DENND5A: variants seen among roughly 807,000 people sequenced by gnomAD.
DENND5A encodes DENN domain-containing protein 5A.
Under a neutral mutation model 140.3 loss-of-function variants are expected in DENND5A, and 64 were observed. The observed-to-expected ratio is 0.46, with a 90% CI of 0.37 to 0.56. The LOEUF (loss-of-function observed/expected upper bound fraction) is 0.56, where lower values mean the gene tolerates loss of function less well. Ranked by LOEUF, DENND5A falls within the 20% of genes least tolerant of loss-of-function variation. DENND5A has a pLI of 0.00. For missense variants in DENND5A, 1,292 were observed against 1,593.8 expected, an observed-to-expected ratio of 0.81 and a Z score of 3.22; for synonymous variants, 605 against 607.7, an observed-to-expected ratio of 1.00 and a Z score of 0.07.
chr11:9,143,276 C>T (rs1847309524), intron 20 of DENND5A, 127 bp downstream of exon 20: 1 of 852,866 alleles, frequency 1.2e-6, no homozygotes, highest in African/African-American at 1.7e-5. Flanking sequence ...CTGAGGCACA[C>T]ACTCTACAAG....
chr11:9,222,348 T>C (rs149573074), intron 1 of DENND5A, among the ~76,000 whole-genome samples: 7 of 152,274 alleles, frequency 4.6e-5, no homozygotes, highest in African/African-American at 1.4e-4. Context: ...CTAGAAAAAT[T>C]TGACCAAAAA....
intron 1 of DENND5A, among the ~76,000 whole-genome samples, chr11:9,254,158 G>GAAAA (rs10718465): frequency 4.4e-5 from 4 of 91,846 alleles, no homozygotes; most frequent in Non-Finnish European, 6.2e-5. Context: ...CTCTGTCTCA[G>GAAAA]AAAAAAAAAA....
Position 9,181,047 on chromosome 11 carries a change from A to G in DENND5A, c.1175T>C (p.Ile392Thr), listed in dbSNP as rs771353078. 1.7e-5 allele frequency: 28 copies of G among 1,614,062 alleles called. No homozygotes were observed. In the African/African-American group the frequency reaches 2.7e-4, roughly 15 times the overall value. Residue 392 changes from isoleucine to threonine, a missense_variant, in exon 6 of 23, where the codon ATT becomes ACT. Ile to Thr is a moderately conservative substitution (Grantham distance 89). Transcript: ENST00000328194. The stretch of plus-strand genomic sequence containing the variant: ...CTGTGGCAAGTCCTCTGGCAACTCA[A>G]TGAAGTGGTTGTCAATGTCCACAAA... ...LCFVDIDNHF[I>T]ELPEDLPQFP...
Position 9,160,831 on chromosome 11 carries a change from T to G in DENND5A, c.2318A>C (p.Glu773Ala). ...KRMLVEKMGR[E>A]AVELGHGEVN... ...CTCCCCATGCCCTAGCTCCACAGCTTCTCGGCCCATCTTTTCCACCAGCAT... is the reference window on the plus strand; with the variant it reads ...CTCCCCATGCCCTAGCTCCACAGCTGCTCGGCCCATCTTTTCCACCAGCAT... Residue 773 changes from glutamate (E) to alanine (A), a missense_variant, in exon 12 of 23, where the codon GAA (glutamate) becomes GCA (alanine). Coordinates refer to ENST00000328194, the MANE Select transcript of DENND5A (RefSeq NM_015213.4). 1 of 1,614,036 alleles carries G rather than the reference T, an allele frequency of 6.2e-7. No individual in the cohort carries two copies. Among genetic ancestry groups the G allele is most frequent in the Non-Finnish European group, 8.5e-7 (1 of 1,179,904 alleles).
intron 5 of DENND5A, among the ~76,000 whole-genome samples, chr11:9,190,429 C>G (rs896003850): frequency 2.6e-5 from 4 of 152,128 alleles, no homozygotes; most frequent in African/African-American, 9.7e-5. Context: ...CCATGCTGTT[C>G]TCGTGATAGT....
At chr11:9,201,699 A>G (rs1464924912) in intron 4 of DENND5A, among the ~76,000 whole-genome samples, 4 of 152,046 alleles carry the variant, frequency 2.6e-5, no homozygotes, top group Non-Finnish European at 5.9e-5. Context: ...AAAGAAAATC[A>G]CCTTTTTGCT....
intron 8 of DENND5A, among the ~76,000 whole-genome samples, chr11:9,177,694 A>G (rs1193578059): frequency 6.8e-6 from 1 of 147,022 alleles, no homozygotes; most frequent in African/African-American, 2.5e-5. Context: ...GAGCTTCTGT[A>G]ACCATGAGGC....
intron 13 of DENND5A, among the ~76,000 whole-genome samples, chr11:9,151,428 G>C (rs1189437109): frequency 6.6e-6 from 1 of 152,122 alleles, no homozygotes; most frequent in Non-Finnish European, 1.5e-5. Flanking sequence ...TACACATCCA[G>C]AAAGCGGGCC....
At chr11:9,166,052 C>A in intron 10 of DENND5A, 85 bp from the exon 11 acceptor site, 1 of 1,194,258 alleles carries the variant, frequency 8.4e-7, no homozygotes, top group Admixed American at 2.3e-5. Flanking sequence ...CTGAAGAGGG[C>A]ATTATTTTCT....
chr11:9,251,676 G>A (rs190539202), intron 1 of DENND5A, among the ~76,000 whole-genome samples: 1 of 152,254 alleles, frequency 6.6e-6, no homozygotes, highest in African/African-American at 2.4e-5. Flanking sequence ...TTGACTAACT[G>A]CTTCACTTAG....
intron 1 of DENND5A, among the ~76,000 whole-genome samples, chr11:9,249,276 A>T (rs1052703786): frequency 1.3e-5 from 2 of 152,070 alleles, no homozygotes; most frequent in African/African-American, 2.4e-5. Context: ...CTGGAAAGTA[A>T]TTCTAACGTG....
chr11:9,145,214 C>T, intron 17 of DENND5A, 101 bp from the exon 18 acceptor site: 1 of 834,370 alleles, frequency 1.2e-6, no homozygotes, highest in South Asian at 1.5e-5. Flanking sequence ...AACCTGACCC[C>T]TCAGCATCTG....
chr11:9,184,633 T>C (rs1848845985), intron 5 of DENND5A, among the ~76,000 whole-genome samples: 1 of 152,190 alleles, frequency 6.6e-6, no homozygotes, highest in East Asian at 1.9e-4. Flanking sequence ...TTCTTGAAAT[T>C]TGCCAACAAA....
intron 11 of DENND5A, among the ~76,000 whole-genome samples, chr11:9,164,062 T>TTG (rs1848091352): frequency 1.3e-5 from 1 of 77,370 alleles, no homozygotes; most frequent in East Asian, 2.9e-4. Context: ...TCAGGTTTTT[T>TTG]TTTTTTTTTT....
intron 1 of DENND5A, among the ~76,000 whole-genome samples, chr11:9,253,573 C>A (rs996593610): frequency 6.6e-6 from 1 of 151,816 alleles, no homozygotes; most frequent in Non-Finnish European, 1.5e-5. Context: ...CCAGCCTGGG[C>A]AAGATGGTGA....
chr11:9,169,307 C>CGTTGAGG (rs1382833142), intron 10 of DENND5A, among the ~76,000 whole-genome samples: 2 of 151,978 alleles, frequency 1.3e-5, no homozygotes, highest in East Asian at 3.9e-4. Flanking sequence ...ATTATCTGCG[C>CGTTGAGG]GTTGAGGTGG....
At chr11:9,141,073 C>T (rs1284107181) in intron 22 of DENND5A, among the ~76,000 whole-genome samples, 1 of 152,004 alleles carries the variant, frequency 6.6e-6, no homozygotes, top group Admixed American at 6.6e-5. Flanking sequence ...TTGTGGTGAG[C>T]CGAGATCACA....
Position 9,145,602 on chromosome 11 carries a change from G to A in DENND5A, c.3003+68C>T, listed in dbSNP as rs1847401973. On this transcript the variant is annotated intron_variant, in intron 17 of 22. Transcript: ENST00000328194. Reference sequence around the variant, plus strand: ...AGCAAGCCCTCTGAAAAACCCTGCAGAAAACTCCCCAAAGCGGCTGTTGCA... The same window carrying A: ...AGCAAGCCCTCTGAAAAACCCTGCAAAAAACTCCCCAAAGCGGCTGTTGCA... 16 of 1,571,028 alleles carry A rather than the reference G, an allele frequency of 1.0e-5. No homozygotes were observed. In the South Asian group the frequency reaches 1.7e-4, roughly 17 times the overall value.
intron 5 of DENND5A, among the ~76,000 whole-genome samples, chr11:9,185,169 C>T (rs933853916): frequency 6.6e-6 from 1 of 152,016 alleles, no homozygotes; most frequent in Non-Finnish European, 1.5e-5. Context: ...CCAGCCTGGG[C>T]GACAGTGTGA....
Sources: allele counts gnomAD v4.1 joint callset (sites outside exome capture counted in the v4.1 genomes callset), GRCh38; gene constraint gnomAD v4.1.1; transcripts MANE v1.5; gene names NCBI Gene and HGNC (gene_info 2026-07-23, HGNC 2026-07-21).